The following SERBP1 variants were observed in gnomAD, a reference collection of about 807,000 sequenced individuals.
The protein encoded by SERBP1 is SERPINE1 mRNA binding protein 1.
SERBP1 carries 6 observed loss-of-function variants against 50.2 expected under a neutral mutation model. The observed-to-expected ratio is 0.12, with a 90% CI of 0.07 to 0.24. The LOEUF (loss-of-function observed/expected upper bound fraction) is 0.24, where lower values mean the gene tolerates loss of function less well. SERBP1 is among the 10% of genes least tolerant of loss of function. The pLI is 1.00. For missense variants in SERBP1, 346 were observed against 524.9 expected, an observed-to-expected ratio of 0.66 and a Z score of 3.33; for synonymous variants, 168 against 182.8, an observed-to-expected ratio of 0.92 and a Z score of 0.65.
intron 6 of SERBP1, among the ~76,000 whole-genome samples, chr1:67,417,971 G>GTTTTTTTTTTTTTTTTTTTTTTTTTTT (rs397861816): frequency 3.9e-5 from 3 of 76,800 alleles, no homozygotes; most frequent in African/African-American, 5.5e-5. Flanking sequence ...TTAAAGTGTT[G>GTTTTTTTTTTTTTTTTTTTTTTTTTTT]TTTTTTTTTT....
chr1:67,418,214 A>G (rs1298917152), intron 6 of SERBP1, among the ~76,000 whole-genome samples: 2 of 150,926 alleles, frequency 1.3e-5, no homozygotes, highest in African/African-American at 4.9e-5. Flanking sequence ...ACCTCAGGTG[A>G]TCCGCCCGCC....
At chr1:67,427,395 TCATAAAG>T (rs1667422938) in intron 1 of SERBP1, among the ~76,000 whole-genome samples, 1 of 152,216 alleles carries the variant, frequency 6.6e-6, no homozygotes, top group Admixed American at 6.5e-5. Flanking sequence ...TCTGACAAAG[TCATAAAG>T]CAGCTGAGGA....
chr1:67,428,716 C>T (rs1382819768), intron 1 of SERBP1, among the ~76,000 whole-genome samples: 1 of 146,080 alleles, frequency 6.8e-6, no homozygotes, highest in African/African-American at 2.6e-5. Context: ...TTCTTCATTC[C>T]GAGCCTCACA....
chr1:67,412,751 T>A lies in SERBP1; in HGVS notation c.*456A>T, dbSNP rs191051036. ...AAGTTTAACATGTCCCAGTTGACCA[T>A]GTGTGAATATGCAAAGCAGGTATTA... On this transcript the variant is annotated 3_prime_UTR_variant, in exon 8 of 8. Coordinates refer to ENST00000361219, the MANE Select transcript of SERBP1 (RefSeq NM_001018069.2). 4 of 155,022 alleles carry A rather than the reference T, an allele frequency of 2.6e-5. No homozygotes were observed. The highest frequency in any genetic ancestry group is 5.7e-5 in the Non-Finnish European group (4 of 69,692). The allele number at this position is 155,022 out of a possible 1,614,324, so 9.6% of individuals were successfully genotyped here. A position where few individuals can be genotyped will look rare whatever the true frequency, so the allele number is the denominator to read the frequency against.
rs1442468226 is a variant in SERBP1, at chr1:67,411,031, T to G, written c.*2176A>C. The G allele has an allele frequency of 6.6e-6, 1 of 152,194 alleles. No individual in the cohort carries two copies. The highest frequency in any genetic ancestry group is 2.4e-5 in the African/African-American group (1 of 41,462). 9.4% of individuals were successfully genotyped at this position (152,194 alleles called of 1,614,324 possible). A position where few individuals can be genotyped will look rare whatever the true frequency, so the allele number is the denominator to read the frequency against. ...GACAATAAACATGATCCTATTTGAT[T>G]GTTTTTATGACTTTTAAGAAGTGAG... On this transcript the variant is annotated 3_prime_UTR_variant, in exon 8 of 8. Transcript: ENST00000361219.
At chr1:67,419,928 T>C (rs1200360262) in intron 6 of SERBP1, 81 bp downstream of exon 6, 6 of 1,225,290 alleles carry the variant, frequency 4.9e-6, no homozygotes, top group Non-Finnish European at 5.9e-6. Flanking sequence ...AAATAACCCA[T>C]GTGAAATTTT....
chr1:67,416,291 G>A (rs1241888825), intron 6 of SERBP1, among the ~76,000 whole-genome samples: 1 of 152,326 alleles, frequency 6.6e-6, no homozygotes, highest in Non-Finnish European at 1.5e-5. Flanking sequence ...GGGACTACAG[G>A]CATGAGCCAC....
At chr1:67,428,325 C>G (rs951743935) in intron 1 of SERBP1, among the ~76,000 whole-genome samples, 5 of 152,190 alleles carry the variant, frequency 3.3e-5, no homozygotes, top group African/African-American at 1.2e-4. Context: ...ACTTAAAATA[C>G]TACTTTTCAG....
chr1:67,413,076 T>A lies in SERBP1; in HGVS notation c.*131A>T, dbSNP rs1436795342. The A allele has an allele frequency of 8.5e-7, 1 of 1,176,242 alleles. No individual in the cohort carries two copies. The highest frequency in any genetic ancestry group is 1.2e-6 in the Non-Finnish European group (1 of 866,328). The allele number at this position is 1,176,242 out of a possible 1,614,324, so 72.9% of individuals were successfully genotyped here. A position where few individuals can be genotyped will look rare whatever the true frequency, so the allele number is the denominator to read the frequency against. ...CATTTTTAAAACAGATAAAATTCAG[T>A]CTTTAGGTGTGAATGGTATGAATGA... is the stretch of plus-strand genomic sequence containing the variant. On this transcript the variant is annotated 3_prime_UTR_variant, in exon 8 of 8. Transcript: ENST00000361219.
Position 67,409,390 on chromosome 1 carries a change from C to CGG in SERBP1, c.*3816_*3817insCC, listed in dbSNP as rs1234584198. 4 of 99,404 alleles carry CGG rather than the reference C, an allele frequency of 4.0e-5. No individual in the cohort carries two copies. Among genetic ancestry groups the CGG allele is most frequent in the African/African-American group, 1.2e-4 (3 of 24,998 alleles). The allele number at this position is 99,404 out of a possible 1,614,324, so 6.2% of individuals were successfully genotyped here. On this transcript the variant is annotated 3_prime_UTR_variant, in exon 8 of 8. Coordinates refer to ENST00000361219, the MANE Select transcript of SERBP1 (RefSeq NM_001018069.2). ...CATTCTTAACTCAGGGACACGGACA[C>CGG]ACACACACACACACACACACACACA... is the stretch of plus-strand genomic sequence containing the variant.
intron 1 of SERBP1, among the ~76,000 whole-genome samples, chr1:67,429,020 C>CAA: frequency 6.6e-6 from 1 of 151,894 alleles, no homozygotes; most frequent in East Asian, 1.9e-4. Flanking sequence ...AAAGCGAATG[C>CAA]AAAAATCAAG....
chr1:67,420,805 T>A (rs1268416751), intron 5 of SERBP1, among the ~76,000 whole-genome samples: 1 of 152,230 alleles, frequency 6.6e-6, no homozygotes, highest in Non-Finnish European at 1.5e-5. Flanking sequence ...GATTCACTAC[T>A]AATAGAACTA....
chr1:67,429,859 A>T (rs1425334123), intron 1 of SERBP1, 129 bp downstream of exon 1: 2 of 1,062,188 alleles, frequency 1.9e-6, no homozygotes, highest in East Asian at 2.6e-5. Context: ...TTGTCGCGTG[A>T]AGAAACGTGA....
rs1667335841 is a variant in SERBP1 at position 67,425,368 on chromosome 1, C to T, written c.465-145G>A. ...TACACTTCAGAAAATTCAAAATAGT[C>T]TGTTTCTAAACACAAAGGAAACCAG... On this transcript the variant is annotated intron_variant, in intron 2 of 7. Coordinates refer to ENST00000361219, the MANE Select transcript of SERBP1 (RefSeq NM_001018069.2). 7 of 789,020 alleles carry T rather than the reference C, an allele frequency of 8.9e-6. No individual in the cohort carries two copies. The Admixed American group carries it at 2.0e-4, about 23-fold the overall frequency. The allele number at this position is 789,020 out of a possible 1,614,324, so 48.9% of individuals were successfully genotyped here. A position where few individuals can be genotyped will look rare whatever the true frequency, so the allele number is the denominator to read the frequency against.
At chr1:67,420,539 T>A (rs1214822378) in intron 5 of SERBP1, 1 of 171,850 alleles carries the variant, frequency 5.8e-6, no homozygotes, top group African/African-American at 2.4e-5. Context: ...CCTCAGCCTA[T>A]CTTCTCCTAA....
chr1:67,424,406 T>C, intron 4 of SERBP1, 129 bp from the exon 5 acceptor site: 2 of 1,216,360 alleles, frequency 1.6e-6, no homozygotes, highest in Non-Finnish European at 2.3e-6. Context: ...CCATAAGCTC[T>C]CACATTCTCT....
chr1:67,425,361 A>G (rs1667335308), intron 2 of SERBP1, 138 bp from the exon 3 acceptor site: 1 of 808,042 alleles, frequency 1.2e-6, no homozygotes, highest in Non-Finnish European at 1.9e-6. Flanking sequence ...AGAAAATTCA[A>G]AATAGTCTGT....
At chr1:67,427,335 A>G (rs1023091593) in intron 1 of SERBP1, among the ~76,000 whole-genome samples, 2 of 152,178 alleles carry the variant, frequency 1.3e-5, no homozygotes, top group African/African-American at 4.8e-5. Flanking sequence ...CAACAGATTG[A>G]TGGTTAAATT....
chr1:67,415,768 A>C (rs1666984064), intron 6 of SERBP1, among the ~76,000 whole-genome samples: 2 of 152,192 alleles, frequency 1.3e-5, no homozygotes, highest in Non-Finnish European at 1.5e-5. Flanking sequence ...ACTAACACTG[A>C]AGTTAAAAAG....
Sources: allele counts gnomAD v4.1 joint callset (sites outside exome capture counted in the v4.1 genomes callset), GRCh38; gene constraint gnomAD v4.1.1; transcripts MANE v1.5; gene names NCBI Gene and HGNC (gene_info 2026-07-23, HGNC 2026-07-21).